SCMH1: variants seen among roughly 807,000 people sequenced by gnomAD.
SCMH1 encodes polycomb protein SCMH1.
A neutral mutation model predicts 70.8 loss-of-function variants in SCMH1; 37 were observed. The ratio of observed to expected loss-of-function variants is 0.52; its 90% confidence interval spans 0.40 to 0.69. The LOEUF is 0.69. Among genes scored for constraint, SCMH1 ranks in the 30% least tolerant of loss-of-function variants. The pLI is 0.00. For synonymous variants in SCMH1, 292 were observed against 307.4 expected (o/e 0.95, Z 0.52); for missense variants, 607 against 827.3 (o/e 0.73, Z 3.27).
At chr1:41,095,392 T>G (rs1167941799) in intron 8 of SCMH1, among the ~76,000 whole-genome samples, 4 of 152,168 alleles carry the variant, frequency 2.6e-5, no homozygotes, top group African/African-American at 9.7e-5. Flanking sequence ...CTAGGGAATA[T>G]TTGCAGTCCC....
intron 4 of SCMH1, among the ~76,000 whole-genome samples, chr1:41,156,360 T>C (rs1376040678): frequency 6.6e-6 from 1 of 152,232 alleles, no homozygotes; most frequent in East Asian, 1.9e-4. Flanking sequence ...ACTATTACCG[T>C]ATAAATAGTG....
rs556091845 is a variant in SCMH1 at position 41,182,095 on chromosome 1, A to G, written c.13+4026T>C. Among the ~76,000 whole-genome samples the G allele has an allele frequency of 4.5e-3, 689 of 152,302 alleles. 6 individuals carry two copies. The highest frequency in any genetic ancestry group is 5.5e-3 in the Non-Finnish European group (374 of 68,032). ...ACCATCATCCTCAACAAACTATCGC[A>G]AGGACAAAAAACCAAACACCGCATG... On this transcript the variant is annotated intron_variant, in intron 2 of 14. Transcript: ENST00000337495.
At chr1:41,079,409 C>T (rs1386359592) in intron 8 of SCMH1, among the ~76,000 whole-genome samples, 1 of 151,956 alleles carries the variant, frequency 6.6e-6, no homozygotes, top group African/African-American at 2.4e-5. Flanking sequence ...TACAAAGACA[C>T]TCAAAATATA....
At chr1:41,161,215 T>C (rs1645997863) in intron 3 of SCMH1, 149 bp downstream of exon 3, 10 of 1,279,212 alleles carry the variant, frequency 7.8e-6, no homozygotes, top group Non-Finnish European at 1.1e-5. Flanking sequence ...AGTATATTGC[T>C]TATGACCAAT....
chr1:41,134,465 A>G (rs1381295313), intron 6 of SCMH1, among the ~76,000 whole-genome samples: 1 of 152,198 alleles, frequency 6.6e-6, no homozygotes, highest in Admixed American at 6.5e-5. Context: ...AATAAAGGGT[A>G]TTCAATTAAG....
At chr1:41,078,480 AAGATGAAATAC>A (rs1220685189) in intron 8 of SCMH1, among the ~76,000 whole-genome samples, 1 of 152,182 alleles carries the variant, frequency 6.6e-6, no homozygotes, top group Non-Finnish European at 1.5e-5. Flanking sequence ...GAAAATACAA[AAGATGAAATAC>A]AGATGAAATA....
chr1:41,155,510 A>C (rs12741932), intron 4 of SCMH1, among the ~76,000 whole-genome samples: 16,382 of 151,986 alleles, frequency 0.11, 1,249 homozygotes, highest in East Asian at 0.27. Context: ...TGGAGCAAAA[A>C]CAAACAAACA....
At chr1:41,044,196 A>G (rs1036652115) in intron 12 of SCMH1, among the ~76,000 whole-genome samples, 2 of 152,104 alleles carry the variant, frequency 1.3e-5, no homozygotes, top group Admixed American at 1.3e-4. Flanking sequence ...TAGTGTGGAG[A>G]CAAGGATATA....
intron 1 of SCMH1, among the ~76,000 whole-genome samples, chr1:41,230,532 C>T (rs2148898487): frequency 6.6e-6 from 1 of 152,002 alleles, no homozygotes; most frequent in African/African-American, 2.4e-5. Flanking sequence ...ATAGCACACG[C>T]CTGAGGTCTT....
At chr1:41,126,318 TA>T (rs1557559744) in intron 6 of SCMH1, among the ~76,000 whole-genome samples, 1 of 152,230 alleles carries the variant, frequency 6.6e-6, no homozygotes, top group Non-Finnish European at 1.5e-5. Flanking sequence ...ATGTGGTTAT[TA>T]CATCCATTTG....
intron 8 of SCMH1, among the ~76,000 whole-genome samples, chr1:41,090,820 A>G (rs1286527829): frequency 6.6e-6 from 1 of 152,114 alleles, no homozygotes; most frequent in East Asian, 1.9e-4. Flanking sequence ...CGGGTGGATC[A>G]TGAGGTCAGG....
intron 1 of SCMH1, among the ~76,000 whole-genome samples, chr1:41,214,093 T>G (rs1374725599): frequency 2.6e-5 from 4 of 152,106 alleles, no homozygotes; most frequent in African/African-American, 9.7e-5. Flanking sequence ...CACACACATG[T>G]GCACATGCAT....
At chr1:41,228,656 G>A (rs986659216) in intron 1 of SCMH1, among the ~76,000 whole-genome samples, 1 of 151,602 alleles carries the variant, frequency 6.6e-6, no homozygotes, top group Non-Finnish European at 1.5e-5. Context: ...GTGATGGTGC[G>A]CACCTGTGGT....
chr1:41,057,416 T>C (rs924150935), intron 10 of SCMH1, among the ~76,000 whole-genome samples: 3 of 152,086 alleles, frequency 2.0e-5, no homozygotes, highest in Admixed American at 2.0e-4. Flanking sequence ...AATTTTTCTT[T>C]TTTTTTGTAT....
intron 6 of SCMH1, among the ~76,000 whole-genome samples, chr1:41,123,217 G>A (rs1672372242): frequency 6.6e-6 from 1 of 152,098 alleles, no homozygotes; most frequent in Non-Finnish European, 1.5e-5. Context: ...GCGAGACTCT[G>A]CCTCAATACA....
At chr1:41,094,553 T>C (rs1296630392) in intron 8 of SCMH1, among the ~76,000 whole-genome samples, 1 of 152,132 alleles carries the variant, frequency 6.6e-6, no homozygotes, top group Non-Finnish European at 1.5e-5. Flanking sequence ...TAAGAAAGAA[T>C]TTCTTTCTCC....
intron 1 of SCMH1, among the ~76,000 whole-genome samples, chr1:41,238,835 A>G (rs1430531850): frequency 6.6e-6 from 1 of 152,098 alleles, no homozygotes; most frequent in African/African-American, 2.4e-5. Flanking sequence ...ATATTTGCTC[A>G]CTGATCTAAC....
chr1:41,072,258 C>G (rs1352245848), intron 9 of SCMH1, among the ~76,000 whole-genome samples: 1 of 152,150 alleles, frequency 6.6e-6, no homozygotes, highest in Non-Finnish European at 1.5e-5. Context: ...ATGAATGAGT[C>G]AGGGAAGAAG....
chr1:41,191,035 T>G (rs563637515), intron 1 of SCMH1, among the ~76,000 whole-genome samples: 1 of 152,304 alleles, frequency 6.6e-6, no homozygotes, highest in South Asian at 2.1e-4. Context: ...TCAATGCGCC[T>G]GGCTAACTTT....
Sources: gnomAD v4.1 joint callset for allele counts (sites outside exome capture counted in the v4.1 genomes callset) on GRCh38, gnomAD v4.1.1 for gene constraint, MANE v1.5 for transcripts, NCBI Gene and HGNC (gene_info 2026-07-23, HGNC 2026-07-21) for gene names.